The following CALN1 variants were observed in gnomAD, a reference collection of about 807,000 sequenced individuals.
The protein encoded by CALN1 is calneuron 1, also known as calcium-binding protein 8.
A neutral mutation model predicts 30.6 loss-of-function variants in CALN1; 17 were observed. The observed-to-expected ratio is 0.56, with a 90% CI of 0.38 to 0.83. The LOEUF (loss-of-function observed/expected upper bound fraction) is 0.83. Among genes scored for constraint, CALN1 ranks in the 40% least tolerant of loss-of-function variants. CALN1 has a pLI of 0.00. For missense variants in CALN1, 291 were observed against 354.9 expected, an observed-to-expected ratio of 0.82 and a Z score of 1.45; for synonymous variants, 156 against 131.4, an observed-to-expected ratio of 1.19 and a Z score of -1.28.
chr7:72,003,337 T>G (rs1336665668), intron 5 of CALN1, among the ~76,000 whole-genome samples: 1 of 152,136 alleles, frequency 6.6e-6, no homozygotes, highest in Non-Finnish European at 1.5e-5. Context: ...ATCAGTGACT[T>G]AATGAAAGGA....
At chr7:72,309,700 C>G (rs1026226010) in intron 2 of CALN1, among the ~76,000 whole-genome samples, 1 of 152,148 alleles carries the variant, frequency 6.6e-6, no homozygotes, top group African/African-American at 2.4e-5. Context: ...ACTGTCGTCT[C>G]CTGTCCCACA....
At chr7:72,453,650 A>T in the CALN1 span, among the ~76,000 whole-genome samples, 2 of 152,190 alleles carry the variant, frequency 1.3e-5, no homozygotes, top group Non-Finnish European at 2.9e-5. Flanking sequence ...GCAACTAATC[A>T]TCTGTATGAA....
At chr7:72,098,198 A>G (rs1163178960) in intron 4 of CALN1, among the ~76,000 whole-genome samples, 1 of 152,172 alleles carries the variant, frequency 6.6e-6, no homozygotes, top group African/African-American at 2.4e-5. Flanking sequence ...CTGGCCCCCA[A>G]AAAAGGCATC....
At chr7:71,850,596 A>T (rs1421247442) in intron 5 of CALN1, among the ~76,000 whole-genome samples, 1 of 152,214 alleles carries the variant, frequency 6.6e-6, no homozygotes, top group Non-Finnish European at 1.5e-5. Flanking sequence ...AAAATCACTC[A>T]AGAAAACAGT....
intron 3 of CALN1, among the ~76,000 whole-genome samples, chr7:72,185,140 A>G (rs1355590063): frequency 2.0e-5 from 3 of 151,888 alleles, no homozygotes; most frequent in Non-Finnish European, 4.4e-5. Context: ...AGAAATTTGC[A>G]ATTTGTGTGC....
At chr7:72,392,984 C>T (rs914296173) in intron 2 of CALN1, among the ~76,000 whole-genome samples, 1 of 151,874 alleles carries the variant, frequency 6.6e-6, no homozygotes, top group African/African-American at 2.4e-5. Context: ...GGCAACACAG[C>T]AAGACTCTGT....
Position 72,275,065 on chromosome 7 carries a change from G to A in CALN1, c.244+3621C>T, listed in dbSNP as rs559570500. 2.0e-5 allele frequency among the ~76,000 whole-genome samples: 3 copies of A among 152,210 alleles called. No individual in the cohort carries two copies. The South Asian group carries it at 6.2e-4, about 32-fold the overall frequency. On this transcript the variant is annotated intron_variant, in intron 3 of 6. Coordinates refer to ENST00000395275, the MANE Select transcript of CALN1 (RefSeq NM_031468.4). ...AGGAAAGGGATTTTCCATCATTGGT[G>A]ATAAACACGAACAGGTGGGGAAACC...
At chr7:72,466,075 C>CACAG in the CALN1 span, among the ~76,000 whole-genome samples, 277 of 152,320 alleles carry the variant, frequency 1.8e-3, no homozygotes, top group African/African-American at 6.4e-3. Context: ...TAAAGCTTTG[C>CACAG]ACAGAGAAGC....
chr7:71,848,054 A>G (rs1790423890), intron 5 of CALN1, among the ~76,000 whole-genome samples: 1 of 152,218 alleles, frequency 6.6e-6, no homozygotes, highest in Non-Finnish European at 1.5e-5. Flanking sequence ...CAATAGTGTT[A>G]GACCAAATAT....
chr7:72,308,505 A>G (rs1016994685), intron 2 of CALN1, among the ~76,000 whole-genome samples: 1 of 152,158 alleles, frequency 6.6e-6, no homozygotes, highest in Admixed American at 6.5e-5. Flanking sequence ...TCAGATATAC[A>G]AGGAATATTT....
At chr7:72,490,147 A>G in the CALN1 span, among the ~76,000 whole-genome samples, 1 of 152,240 alleles carries the variant, frequency 6.6e-6, no homozygotes. Context: ...CCACATTAGT[A>G]GAGTTCAAAA....
chr7:72,128,733 G>A (rs1432197567), intron 3 of CALN1, among the ~76,000 whole-genome samples: 1 of 152,158 alleles, frequency 6.6e-6, no homozygotes. Context: ...TTAGCCAGGT[G>A]TGGTGGCAGG....
At position 72,161,328 on chromosome 7, in the gene CALN1, C is replaced by T. The variant is rs554422347; in HGVS notation, c.245-55034G>A. 3.9e-5 allele frequency among the ~76,000 whole-genome samples: 6 copies of T among 152,278 alleles called. No individual in the cohort carries two copies. The East Asian group carries it at 9.6e-4, about 24-fold the overall frequency. ...TCATGGACTTCAGAAATATCTACCT[C>T]TTTCACCTTCAGTGATAATCACCCA... is the stretch of plus-strand genomic sequence containing the variant. On this transcript the variant is annotated intron_variant, in intron 3 of 6. Coordinates refer to ENST00000395275, the MANE Select transcript of CALN1 (RefSeq NM_031468.4).
intron 2 of CALN1, among the ~76,000 whole-genome samples, chr7:72,362,701 G>C (rs924632900): frequency 1.3e-5 from 2 of 152,032 alleles, no homozygotes; most frequent in African/African-American, 4.8e-5. Context: ...CCACCCCCAG[G>C]ATATTCCTCT....
In CALN1 at chr7:72,411,669, T is replaced by C. The variant is rs1807157971; in HGVS notation, c.-74+389A>G. 7.2e-5 allele frequency among the ~76,000 whole-genome samples: 11 copies of C among 152,320 alleles called. No individual in the cohort carries two copies. The South Asian group carries it at 2.1e-3, about 29-fold the overall frequency. On this transcript the variant is annotated intron_variant, in intron 1 of 6. Coordinates refer to ENST00000395275, the MANE Select transcript of CALN1 (RefSeq NM_031468.4). Reference sequence around the variant, plus strand: ...AAGTCTTGTCAGGCCTAAAAGTGGATAAGTTCTCAATGATGCCAAATGACA... The same window carrying C: ...AAGTCTTGTCAGGCCTAAAAGTGGACAAGTTCTCAATGATGCCAAATGACA...
At chr7:72,176,759 G>C (rs144891854) in intron 3 of CALN1, among the ~76,000 whole-genome samples, 13 of 152,246 alleles carry the variant, frequency 8.5e-5, no homozygotes, top group Middle Eastern at 3.4e-3. Flanking sequence ...AAGTTCAATA[G>C]AGTCTCCCTT....
chr7:72,501,954 C>CACAT, the CALN1 span, among the ~76,000 whole-genome samples: 1 of 75,886 alleles, frequency 1.3e-5, no homozygotes, highest in Non-Finnish European at 2.4e-5. Flanking sequence ...TATATACACA[C>CACAT]ATATATATAT....
intron 3 of CALN1, among the ~76,000 whole-genome samples, chr7:72,278,164 C>T (rs2129554014): frequency 6.6e-6 from 1 of 152,148 alleles, no homozygotes; most frequent in South Asian, 2.1e-4. Flanking sequence ...TACTGTGTTA[C>T]AAAGAAACAG....
At chr7:72,368,592 G>A (rs1301625495) in intron 2 of CALN1, among the ~76,000 whole-genome samples, 1 of 151,924 alleles carries the variant, frequency 6.6e-6, no homozygotes, top group Admixed American at 6.6e-5. Flanking sequence ...TGAAAAAGGA[G>A]AATGAATAAA....
Sources: gnomAD v4.1 joint callset for allele counts (sites outside exome capture counted in the v4.1 genomes callset) on GRCh38, gnomAD v4.1.1 for gene constraint, MANE v1.5 for transcripts, NCBI Gene and HGNC (gene_info 2026-07-23, HGNC 2026-07-21) for gene names.